Variants in ALDH6A1 observed in about 807,000 individuals in gnomAD.
ALDH6A1 encodes methylmalonate-semialdehyde/malonate-semialdehyde dehydrogenase [acylating], mitochondrial.
In ALDH6A1, 43 loss-of-function variants were observed where a neutral mutation model predicts 62.6. The ratio of observed to expected loss-of-function variants is 0.69; its 90% CI spans 0.54 to 0.89. The LOEUF (loss-of-function observed/expected upper bound fraction) is 0.89. ALDH6A1 is among the 40% of genes least tolerant of loss of function. The pLI is 0.00. For missense variants in ALDH6A1, 551 were observed against 661.3 expected (o/e 0.83, Z 1.83); for synonymous variants, 194 against 234.2 (o/e 0.83, Z 1.57).
chr14:74,060,775 A>C, intron 11 of ALDH6A1, 29 bp from the exon 12 acceptor site: 1 of 1,487,722 alleles, frequency 6.7e-7, no homozygotes, highest in Non-Finnish European at 9.4e-7. Flanking sequence ...AAGTTAGCAT[A>C]TATTTCTGGG....
chr14:74,077,028 C>T (rs2060620490), intron 1 of ALDH6A1, among the ~76,000 whole-genome samples: 1 of 152,144 alleles, frequency 6.6e-6, no homozygotes, highest in African/African-American at 2.4e-5. Context: ...GCAGCACTGC[C>T]CAGGAAAAGG....
intron 10 of ALDH6A1, 125 bp from the exon 11 acceptor site, chr14:74,065,045 C>T: frequency 7.2e-7 from 1 of 1,394,596 alleles, no homozygotes; most frequent in Non-Finnish European, 1.0e-6. Flanking sequence ...CATGAACTTT[C>T]ATTCCTGAGG....
At chr14:74,073,737 G>A (rs2060579330) in intron 2 of ALDH6A1, among the ~76,000 whole-genome samples, 2 of 151,776 alleles carry the variant, frequency 1.3e-5, no homozygotes, top group South Asian at 4.2e-4. Context: ...GGACAACATG[G>A]TGAAACCTTG....
intron 11 of ALDH6A1, among the ~76,000 whole-genome samples, chr14:74,061,226 C>G (rs1199638667): frequency 2.0e-5 from 3 of 152,036 alleles, no homozygotes; most frequent in African/African-American, 7.2e-5. Context: ...GATCCGCCTT[C>G]CTCGGCCTCT....
rs1555376468 is a variant in ALDH6A1 at position 74,064,309 on chromosome 14, AAAT to A, written c.1503+510_1503+512del. ...CGAGACTGTGTCTCAAAAAAAAAAA[AAAT>A]AATAATAATAATAGTAATAATAATG... On this transcript the variant is annotated intron_variant, in intron 11 of 11. Transcript: ENST00000553458. Among the ~76,000 whole-genome samples the A allele has an allele frequency of 1.1e-3, 157 of 148,650 alleles. 7 individuals are homozygous for A. The highest frequency in any genetic ancestry group is 1.1e-3 in the Non-Finnish European group (77 of 67,454).
chr14:74,068,908 A>G lies in ALDH6A1; in HGVS notation c.804T>C (p.Tyr268=), dbSNP rs550119518. 2 of 1,614,048 alleles carry G rather than the reference A, an allele frequency of 1.2e-6. No individual in the cohort carries two copies. The highest frequency in any genetic ancestry group is 4.5e-5 in the East Asian group (2 of 44,872). The change falls in exon 7 of 12, where the codon TAT becomes TAC. Residue 268 remains tyrosine, a synonymous_variant. Coordinates refer to ENST00000553458, the MANE Select transcript of ALDH6A1 (RefSeq NM_005589.4). ...SFVGSNKAGE[Y]IFERGSRHGK... is the part of the protein sequence containing the mutation. The stretch of plus-strand genomic sequence containing the variant: ...CATGTCTTGATCCTCTCTCGAAGAT[A>G]TACTCTCCTGCCTTGTTGGATCCCA...
chr14:74,079,332 C>T (rs972003522), intron 1 of ALDH6A1, among the ~76,000 whole-genome samples: 2 of 151,894 alleles, frequency 1.3e-5, no homozygotes, highest in African/African-American at 2.4e-5. Context: ...CTGCAACCTC[C>T]ACCTCCCGGG....
At chr14:74,077,181 A>G (rs1208270333) in intron 1 of ALDH6A1, among the ~76,000 whole-genome samples, 2 of 152,164 alleles carry the variant, frequency 1.3e-5, no homozygotes, top group Non-Finnish European at 2.9e-5. Flanking sequence ...CAATACCAAT[A>G]TAGTACTCGG....
intron 1 of ALDH6A1, among the ~76,000 whole-genome samples, chr14:74,080,369 T>TTC (rs2060658617): frequency 3.6e-5 from 1 of 27,466 alleles, no homozygotes; most frequent in South Asian, 2.7e-3. Flanking sequence ...AAACTCTTTC[T>TTC]TTTTTTTTTT....
chr14:74,064,211 G>A (rs1312119019), intron 11 of ALDH6A1, among the ~76,000 whole-genome samples: 4 of 149,240 alleles, frequency 2.7e-5, no homozygotes, highest in Non-Finnish European at 6.0e-5. Flanking sequence ...GGCAGGAGAA[G>A]TGCTTGAACC....
chr14:74,064,791 G>A, intron 11 of ALDH6A1, 31 bp downstream of exon 11: 1 of 1,612,522 alleles, frequency 6.2e-7, no homozygotes, highest in East Asian at 2.2e-5. Flanking sequence ...TTTCTTAAAG[G>A]AAAAGACAAA....
Position 74,067,452 on chromosome 14 carries a change from C to A in ALDH6A1, c.970G>T (p.Val324Phe). Residue 324 changes from valine to phenylalanine, a missense_variant, in exon 8 of 12, where the codon GTC becomes TTC. Physicochemically the swap from Val to Phe is conservative, Grantham distance 50 (BLOSUM62 -1). Transcript: ENST00000553458. Reference sequence around the variant, plus strand: ...CACTTCTTGGCTTCTCCCACAAGGACTGCTGTTGAAAGAGCCATGCAGCGC... The same window carrying A: ...CACTTCTTGGCTTCTCCCACAAGGAATGCTGTTGAAAGAGCCATGCAGCGC... ...GQRCMALSTA[V>F]LVGEAKKWLP... 6.2e-7 allele frequency: 1 copy of A among 1,614,210 alleles called. No homozygotes were observed. The highest frequency in any genetic ancestry group is 2.2e-5 in the East Asian group (1 of 44,886).
rs2060270459 is a variant in ALDH6A1 at position 74,058,528 on chromosome 14, T to C, written c.*2114A>G. The C allele has an allele frequency of 6.6e-6, 1 of 150,816 alleles. No individual in the cohort carries two copies. The highest frequency in any genetic ancestry group is 2.4e-5 in the African/African-American group (1 of 41,080). 9.3% of individuals were successfully genotyped at this position (150,816 alleles called of 1,614,324 possible). On this transcript the variant is annotated 3_prime_UTR_variant, in exon 12 of 12. Transcript: ENST00000553458. ...AGTCACCTTAAGTGATTGAAGGTTT[T>C]GACATTTTATCCAGCCAGGTGGTAG...
At position 74,063,952 on chromosome 14, in the gene ALDH6A1, T is replaced by C. The variant is rs552895314; in HGVS notation, c.1503+870A>G. Among the ~76,000 whole-genome samples the C allele has an allele frequency of 3.3e-5, 5 of 152,090 alleles. No homozygotes were observed. The South Asian group carries it at 1.0e-3, about 32-fold the overall frequency. ...GGGATTTGAACACAGGCAATTTGGT[T>C]CCAGATCTGCTTTACTTTTCTTGTT... On this transcript the variant is annotated intron_variant, in intron 11 of 11. Coordinates refer to ENST00000553458, the MANE Select transcript of ALDH6A1 (RefSeq NM_005589.4).
In ALDH6A1 at chr14:74,062,776, C is replaced by T. The variant is rs116402099; in HGVS notation, c.1504-2030G>A. On this transcript the variant is annotated intron_variant, in intron 11 of 11. Transcript: ENST00000553458. ...TAAATAAAATAAAAAAGCCCCACAT[C>T]CCTCGCCCTGTGGCAGCACATAGCT... is the stretch of plus-strand genomic sequence containing the variant. Among the ~76,000 whole-genome samples the T allele has an allele frequency of 6.9e-3, 1,047 of 152,174 alleles. 14 individuals carry two copies. Among genetic ancestry groups the T allele is most frequent in the African/African-American group, 0.024 (1,008 of 41,530 alleles).
rs1328953759 is a variant in ALDH6A1, at chr14:74,067,566, C to A, written c.856G>T (p.Ala286Ser). Residue 286 changes from alanine to serine, a missense_variant, in exon 8 of 12, where the codon GCC (alanine) becomes TCC (serine). By Grantham distance (99) the Ala-to-Ser change is moderately conservative. Coordinates refer to ENST00000553458, the MANE Select transcript of ALDH6A1 (RefSeq NM_005589.4). ...HGKRVQANMG[A>S]KNHGVVMPDA... ...GGCATGACTACCCCATGGTTCTTGG[C>A]TCCCTAAAAAAAAATGCAGAAAGCA... The A allele has an allele frequency of 6.2e-7, 1 of 1,613,734 alleles. No individual in the cohort carries two copies. Among genetic ancestry groups the A allele is most frequent in the Non-Finnish European group, 8.5e-7 (1 of 1,180,006 alleles).
intron 1 of ALDH6A1, among the ~76,000 whole-genome samples, chr14:74,079,924 G>A (rs745658848): frequency 6.6e-6 from 1 of 152,140 alleles, no homozygotes; most frequent in Non-Finnish European, 1.5e-5. Flanking sequence ...TGTGGTCCCA[G>A]GTACTTGGGA....
Position 74,059,333 on chromosome 14 carries a change from A to G in ALDH6A1, c.*1309T>C, listed in dbSNP as rs1396147523. The stretch of plus-strand genomic sequence containing the variant: ...TTTGCTTAAGGCAGGTGTCTTACCC[A>G]TTTTCATGGTTGGAACAATCCTTGA... On this transcript the variant is annotated 3_prime_UTR_variant, in exon 12 of 12. Transcript: ENST00000553458. 2.2e-6 allele frequency: 1 copy of G among 455,860 alleles called. No individual in the cohort carries two copies. The highest frequency in any genetic ancestry group is 4.4e-6 in the Non-Finnish European group (1 of 226,660). The allele number at this position is 455,860 out of a possible 1,614,324, so 28.2% of individuals were successfully genotyped here. A position where few individuals can be genotyped will look rare whatever the true frequency, so the allele number is the denominator to read the frequency against.
At position 74,065,274 on chromosome 14, in the gene ALDH6A1, A is replaced by C; in HGVS notation, c.1311T>G (p.Ile437Met). The C allele has an allele frequency of 6.2e-7, 1 of 1,614,172 alleles. No homozygotes were observed. Among genetic ancestry groups the C allele is most frequent in the East Asian group, 2.2e-5 (1 of 44,878 alleles). ...CATTTCCATATGGGTTGTTATTTAC[A>C]ATCTGGATGGCTTCATCCAATGTTT... Reference protein sequence around the residue: ...ETETLDEAIQIVNNNPYGNGT... With the variant: ...ETETLDEAIQMVNNNPYGNGT... The change falls in exon 10 of 12, where the codon ATT (isoleucine) becomes ATG (methionine). Residue 437 changes from isoleucine (I) to methionine (M), a missense_variant. Transcript: ENST00000553458.
Sources: gnomAD v4.1 joint callset for allele counts (sites outside exome capture counted in the v4.1 genomes callset) on GRCh38, gnomAD v4.1.1 for gene constraint, MANE v1.5 for transcripts, NCBI Gene and HGNC (gene_info 2026-07-23, HGNC 2026-07-21) for gene names.